The following INPP4A variants were observed in gnomAD, a reference collection of about 807,000 sequenced individuals.
INPP4A encodes inositol polyphosphate-4-phosphatase type I A.
In INPP4A, 33 loss-of-function variants were observed where a neutral mutation model predicts 119.8. The ratio of observed to expected loss-of-function variants is 0.28; its 90% CI spans 0.21 to 0.37. The LOEUF is 0.37. Ranked by LOEUF, INPP4A falls within the 10% of genes least tolerant of loss-of-function variation. The pLI is 1.00. For missense variants in INPP4A, 956 were observed against 1,289.9 expected (o/e 0.74, Z 3.97); for synonymous variants, 496 against 500.7 (o/e 0.99, Z 0.12).
At chr2:98,493,351 C>T (rs1284288862) in intron 1 of INPP4A, among the ~76,000 whole-genome samples, 1 of 151,878 alleles carries the variant, frequency 6.6e-6, no homozygotes, top group East Asian at 1.9e-4. Flanking sequence ...TCTCATGATA[C>T]TAAGTTTTCC....
chr2:98,537,261 A>C (rs1690469702), intron 7 of INPP4A, among the ~76,000 whole-genome samples: 1 of 152,224 alleles, frequency 6.6e-6, no homozygotes, highest in Admixed American at 6.5e-5. Context: ...GGGTGTCCCC[A>C]GGTTCCCTGG....
At chr2:98,577,286 G>A (rs956061612) in intron 24 of INPP4A, 143 bp downstream of exon 24, 57 of 856,354 alleles carry the variant, frequency 6.7e-5, no homozygotes, top group African/African-American at 1.9e-4. Context: ...TGACAAACCC[G>A]TCAAACTATT....
chr2:98,491,951 G>T (rs961117443), intron 1 of INPP4A, among the ~76,000 whole-genome samples: 1 of 151,908 alleles, frequency 6.6e-6, no homozygotes, highest in Non-Finnish European at 1.5e-5. Flanking sequence ...GTACAGTGGC[G>T]CGATCTCAGC....
Position 98,577,094 on chromosome 2 carries a change from C to T in INPP4A, c.2737C>T (p.His913Tyr). Residue 913 changes from histidine to tyrosine, a missense_variant, in exon 24 of 25, where the codon CAT becomes TAT. This residue lies in a region of INPP4A where 304 missense variants were observed against 492.1 expected (regional missense o/e 0.62). Transcript: ENST00000409851. ...GCAGTGCCTGATCCTGCAACACGAG[C>T]ATGGCATGGCCCCGCAGGTCTTCAC... is the stretch of plus-strand genomic sequence containing the variant. Reference protein sequence around the residue: ...LEQCLILQHEHGMAPQVFTQA... With the variant: ...LEQCLILQHEYGMAPQVFTQA... 1 of 1,613,852 alleles carries T rather than the reference C, an allele frequency of 6.2e-7. No individual in the cohort carries two copies.
rs1700391667 is a variant in INPP4A at position 98,591,309 on chromosome 2, T to A, written c.*3701T>A. On this transcript the variant is annotated 3_prime_UTR_variant, in exon 25 of 25. Transcript: ENST00000409851. ...GCATGGGCCATGCTCAGTTTAATATTATTAACAGTTTCTACCTTCACTCTC... is the reference window on the plus strand; with the variant it reads ...GCATGGGCCATGCTCAGTTTAATATAATTAACAGTTTCTACCTTCACTCTC... 6.3e-6 allele frequency: 1 copy of A among 159,544 alleles called. No individual in the cohort carries two copies. Among genetic ancestry groups the A allele is most frequent in the African/African-American group, 2.4e-5 (1 of 41,692 alleles). 9.9% of individuals were successfully genotyped at this position (159,544 alleles called of 1,614,324 possible).
At chr2:98,466,292 C>T (rs1334192211) in intron 1 of INPP4A, among the ~76,000 whole-genome samples, 22 of 152,334 alleles carry the variant, frequency 1.4e-4, no homozygotes, top group African/African-American at 4.6e-4. Context: ...GCAATCTGCC[C>T]GCCTTGGCCT....
Position 98,568,754 on chromosome 2 carries a change from G to A in INPP4A, c.2518+86G>A, listed in dbSNP as rs563224379. ...CTGAGCTCTGGCTTGCCCTGCCTCT[G>A]TGAGTGCATGCCTGTGCATGTGTGT... On this transcript the variant is annotated intron_variant, in intron 22 of 24. Transcript: ENST00000409851. The A allele has an allele frequency of 4.7e-5, 35 of 738,500 alleles. No homozygotes were observed. In the Middle Eastern group the frequency reaches 6.9e-4, roughly 14 times the overall value. The allele number at this position is 738,500 out of a possible 1,614,324, so 45.7% of individuals were successfully genotyped here.
chr2:98,575,516 C>T (rs992696381), intron 23 of INPP4A, among the ~76,000 whole-genome samples: 2 of 152,232 alleles, frequency 1.3e-5, no homozygotes, highest in African/African-American at 4.8e-5. Flanking sequence ...GTCTGCTTAT[C>T]TGCTTAGGGC....
At chr2:98,488,500 C>T (rs1026705470) in intron 1 of INPP4A, among the ~76,000 whole-genome samples, 2 of 152,158 alleles carry the variant, frequency 1.3e-5, no homozygotes, top group Non-Finnish European at 2.9e-5. Context: ...GAGTTCTGTA[C>T]CCGAAATTGT....
At chr2:98,548,268 C>T (rs908680683) in intron 13 of INPP4A, among the ~76,000 whole-genome samples, 6 of 152,214 alleles carry the variant, frequency 3.9e-5, no homozygotes, top group Non-Finnish European at 8.8e-5. Flanking sequence ...ACCTACTTGA[C>T]TTTGATTCAT....
chr2:98,582,065 C>T (rs1356135151), intron 24 of INPP4A, among the ~76,000 whole-genome samples: 1 of 152,222 alleles, frequency 6.6e-6, no homozygotes, highest in Non-Finnish European at 1.5e-5. Context: ...TTCTGATGTA[C>T]AACTATTTAT....
At chr2:98,545,489 C>A (rs1003660789) in intron 11 of INPP4A, among the ~76,000 whole-genome samples, 3 of 152,174 alleles carry the variant, frequency 2.0e-5, no homozygotes, top group East Asian at 3.8e-4. Flanking sequence ...GAGAAGGCCT[C>A]TTCATCACTT....
intron 10 of INPP4A, among the ~76,000 whole-genome samples, chr2:98,542,929 CT>C (rs200671855): frequency 1.7e-3 from 248 of 145,138 alleles, no homozygotes; most frequent in South Asian, 1.7e-3. Context: ...CAGCTCCTCT[CT>C]TTTTTTTTTT....
chr2:98,458,976 C>T (rs1211166176), intron 1 of INPP4A, among the ~76,000 whole-genome samples: 4 of 152,236 alleles, frequency 2.6e-5, no homozygotes, highest in East Asian at 3.8e-4. Context: ...AGCCACCACA[C>T]GCCCAAAGGC....
intron 13 of INPP4A, among the ~76,000 whole-genome samples, chr2:98,552,352 C>T (rs796340289): frequency 2.0e-5 from 3 of 152,304 alleles, no homozygotes; most frequent in African/African-American, 7.2e-5. Flanking sequence ...CAAAGTCTAA[C>T]ACCCACTGCA....
At chr2:98,555,406 G>T in intron 15 of INPP4A, 147 bp from the exon 16 acceptor site, 3 of 820,786 alleles carry the variant, frequency 3.7e-6, no homozygotes, top group Non-Finnish European at 5.6e-6. Flanking sequence ...GGGGAATTAG[G>T]AATCATCTTT....
At chr2:98,494,784 C>T (rs1406712539) in intron 1 of INPP4A, among the ~76,000 whole-genome samples, 1 of 152,182 alleles carries the variant, frequency 6.6e-6, no homozygotes, top group Non-Finnish European at 1.5e-5. Flanking sequence ...GAAAGGTCTC[C>T]ATTTAATTAG....
chr2:98,535,922 C>A, intron 6 of INPP4A, 77 bp downstream of exon 6: 1 of 777,836 alleles, frequency 1.3e-6, no homozygotes, highest in Non-Finnish European at 2.2e-6. Flanking sequence ...GAGAGATGAA[C>A]ACAGATTGAC....
intron 1 of INPP4A, among the ~76,000 whole-genome samples, chr2:98,446,855 TA>T (rs1215092956): frequency 6.6e-6 from 1 of 151,504 alleles, no homozygotes; most frequent in Non-Finnish European, 1.5e-5. Flanking sequence ...TAGCGTTTTT[TA>T]AAAAAAAATC....
Sources: gnomAD v4.1 joint callset for allele counts (sites outside exome capture counted in the v4.1 genomes callset) on GRCh38, gnomAD v4.1.1 for gene constraint, gnomAD v4.1.1 regional missense constraint, MANE v1.5 for transcripts, NCBI Gene and HGNC (gene_info 2026-07-23, HGNC 2026-07-21) for gene names.